CLIP1: variants seen among roughly 807,000 people sequenced by gnomAD.
CLIP1 encodes the protein CAP-Gly domain containing linker protein 1.
In CLIP1, 66 loss-of-function variants were observed where a neutral mutation model predicts 161.6. The ratio of observed to expected loss-of-function variants is 0.41; its 90% CI spans 0.33 to 0.50. The LOEUF (loss-of-function observed/expected upper bound fraction) is 0.50. Ranked by LOEUF, CLIP1 falls within the 20% of genes least tolerant of loss-of-function variation. The pLI, the probability that CLIP1 is intolerant of heterozygous loss-of-function variation, is 0.27. For synonymous variants in CLIP1, 598 were observed against 626.2 expected, an observed-to-expected ratio of 0.96 and a Z score of 0.67; for missense variants, 1,376 against 1,702.0, an observed-to-expected ratio of 0.81 and a Z score of 3.37.
chr12:122,391,012 G>C (rs539634808), intron 1 of CLIP1, among the ~76,000 whole-genome samples: 1 of 152,100 alleles, frequency 6.6e-6, no homozygotes, highest in African/African-American at 2.4e-5. Context: ...CTTCCGGCTC[G>C]GTGTGGTGGC....
At chr12:122,274,546 T>C (rs12815053) in intron 24 of CLIP1, 1 of 131,362 alleles carries the variant, frequency 7.6e-6, no homozygotes, top group African/African-American at 4.7e-5. Context: ...GTTTTGTTTT[T>C]TTTTTTTTTT....
rs766712693 is a variant in CLIP1, at chr12:122,272,889, C to T, written c.4303G>A (p.Asp1435Asn). 2 of 1,614,162 alleles carry T rather than the reference C, an allele frequency of 1.2e-6. No individual in the cohort carries two copies. Among genetic ancestry groups the T allele is most frequent in the East Asian group, 2.2e-5 (1 of 44,890 alleles). Reference sequence around the variant, plus strand: ...TGGAGGCTTCATCAGAAGGTTTCGTCGTCATTGCAGTTGGTGGCCCAGTGT... The same window carrying T: ...TGGAGGCTTCATCAGAAGGTTTCGTTGTCATTGCAGTTGGTGGCCCAGTGT... ...FGHWATNCND[D>N]ETF Residue 1435 changes from aspartate to asparagine, a missense_variant, in exon 26 of 26, where the codon GAC (aspartate) becomes AAC (asparagine). Physicochemically the swap from Asp to Asn is conservative, Grantham distance 23 (BLOSUM62 1). This residue lies in a region of CLIP1 where 948 missense variants were observed against 1,134.8 expected (regional missense o/e 0.84). Coordinates refer to ENST00000620786, the MANE Select transcript of CLIP1 (RefSeq NM_001247997.2).
At chr12:122,398,752 G>A (rs979171156) in intron 1 of CLIP1, among the ~76,000 whole-genome samples, 1 of 151,704 alleles carries the variant, frequency 6.6e-6, no homozygotes, top group African/African-American at 2.4e-5. Context: ...CGCCTGCCTG[G>A]AATCCCAGCT....
chr12:122,291,921 T>C (rs1437667714), intron 20 of CLIP1, among the ~76,000 whole-genome samples: 1 of 152,258 alleles, frequency 6.6e-6, no homozygotes, highest in Non-Finnish European at 1.5e-5. Context: ...ATGATGATTG[T>C]ATGACTCTGT....
chr12:122,396,956 T>TTG (rs1955934569), intron 1 of CLIP1, among the ~76,000 whole-genome samples: 2 of 146,874 alleles, frequency 1.4e-5, no homozygotes, highest in African/African-American at 2.5e-5. Context: ...TTTTTTTTTT[T>TTG]TTTGTAGAGA....
chr12:122,378,519 T>G (rs1954852318), intron 2 of CLIP1, among the ~76,000 whole-genome samples: 1 of 152,160 alleles, frequency 6.6e-6, no homozygotes, highest in African/African-American at 2.4e-5. Context: ...TATTTGCAAT[T>G]AAGATTAGAA....
In CLIP1 at chr12:122,333,001, T is replaced by A. The variant is rs1273002854; in HGVS notation, c.2853A>T (p.Leu951Phe). Residue 951 changes from leucine to phenylalanine, a missense_variant, in exon 15 of 26, where the codon TTA becomes TTT. Physicochemically the swap from Leu to Phe is conservative, Grantham distance 22. Around this residue, in one of 6 missense-constraint regions of CLIP1, gnomAD observed 948 missense variants for 1,134.8 expected, o/e 0.84. Coordinates refer to ENST00000620786, the MANE Select transcript of CLIP1 (RefSeq NM_001247997.2). ...SSQLTKMNDE[L>F]RLKERDVEEL... ...GTCACATATACCTTTCTTTCAGACG[T>A]AATTCATCGTTCATTTTTGTCAGCT... 1 of 1,613,544 alleles carries A rather than the reference T, an allele frequency of 6.2e-7. No homozygotes were observed.
chr12:122,363,605 G>T (rs1384752343), intron 4 of CLIP1, among the ~76,000 whole-genome samples: 5 of 152,014 alleles, frequency 3.3e-5, no homozygotes, highest in Non-Finnish European at 5.9e-5. Flanking sequence ...GACACATTTT[G>T]CAGTTCTTTT....
chr12:122,358,744 TAAA>T (rs71082973), intron 5 of CLIP1, among the ~76,000 whole-genome samples: 325 of 144,146 alleles, frequency 2.3e-3, no homozygotes, highest in Middle Eastern at 3.5e-3. Flanking sequence ...TAGTTGACTT[TAAA>T]AAAAAAAAAA....
At chr12:122,291,472 G>T (rs958706403) in intron 20 of CLIP1, among the ~76,000 whole-genome samples, 1 of 152,216 alleles carries the variant, frequency 6.6e-6, no homozygotes, top group African/African-American at 2.4e-5. Flanking sequence ...TTACAGGTGT[G>T]AGCTATCACG....
At position 122,309,659 on chromosome 12, in the gene CLIP1, C is replaced by T. The variant is rs985009722; in HGVS notation, c.3594+103G>A. ...TAACTTGGAATTCCATTTGGAATGA[C>T]CCCACCACACTGAGCAGACCTCCGA... On this transcript the variant is annotated intron_variant, in intron 20 of 25. Coordinates refer to ENST00000620786, the MANE Select transcript of CLIP1 (RefSeq NM_001247997.2). 3 of 1,370,600 alleles carry T rather than the reference C, an allele frequency of 2.2e-6. No individual in the cohort carries two copies. The African/African-American group carries it at 4.3e-5, about 20-fold the overall frequency. The allele number at this position is 1,370,600 out of a possible 1,614,324, so 84.9% of individuals were successfully genotyped here. A position where few individuals can be genotyped will look rare whatever the true frequency, so the allele number is the denominator to read the frequency against.
At chr12:122,397,927 C>T (rs1955986509) in intron 1 of CLIP1, among the ~76,000 whole-genome samples, 1 of 151,618 alleles carries the variant, frequency 6.6e-6, no homozygotes, top group African/African-American at 2.4e-5. Context: ...TGCACTCCAG[C>T]CTGGGCAACA....
intron 20 of CLIP1, among the ~76,000 whole-genome samples, chr12:122,304,997 T>C (rs895109655): frequency 2.0e-5 from 3 of 152,240 alleles, no homozygotes; most frequent in Non-Finnish European, 2.9e-5. Flanking sequence ...TTTTTTTGTA[T>C]AATACATCTG....
rs767886361 is a variant in CLIP1 at position 122,288,494 on chromosome 12, T to C, written c.3642A>G (p.Lys1214=). ...SVLNNQLLEM[K]KRESKFIKDA... ...ACAATAAACAGAAAGCTTACCTTTT[T>C]TTCATTTCTAACAACTGATTATTGA... is the stretch of plus-strand genomic sequence containing the variant. Residue 1214 remains lysine, a synonymous_variant, in exon 21 of 26, where the codon AAA becomes AAG. Transcript: ENST00000620786. The C allele has an allele frequency of 1.2e-6, 2 of 1,607,706 alleles. No individual in the cohort carries two copies. Among genetic ancestry groups the C allele is most frequent in the Non-Finnish European group, 1.7e-6 (2 of 1,179,562 alleles).
intron 20 of CLIP1, among the ~76,000 whole-genome samples, chr12:122,293,002 C>CAAAAAAAAAAAAAAAAAAAAAAAAAA (rs57326141): frequency 9.2e-5 from 4 of 43,574 alleles, no homozygotes; most frequent in African/African-American, 2.3e-4. Context: ...GACTCTGTCT[C>CAAAAAAAAAAAAAAAAAAAAAAAAAA]AAAAAAAAAA....
chr12:122,282,139 T>C (rs1355751709), intron 21 of CLIP1, among the ~76,000 whole-genome samples: 2 of 152,208 alleles, frequency 1.3e-5, no homozygotes, highest in South Asian at 2.1e-4. Context: ...AGAAAGAAAT[T>C]TGACTTGTGA....
At chr12:122,273,228 T>C in intron 25 of CLIP1, 128 bp from the exon 26 acceptor site, 5 of 675,414 alleles carry the variant, frequency 7.4e-6, no homozygotes, top group South Asian at 3.9e-5. Context: ...CCAGTATAAG[T>C]AGTGCATTAT....
chr12:122,335,878 G>C (rs1157512004), intron 12 of CLIP1, among the ~76,000 whole-genome samples: 1 of 152,106 alleles, frequency 6.6e-6, no homozygotes, highest in Non-Finnish European at 1.5e-5. Context: ...ACAGCGAAGA[G>C]GAAGGGATGT....
At chr12:122,354,410 G>C (rs750515616) in intron 7 of CLIP1, 43 bp downstream of exon 7, 316 of 1,506,970 alleles carry the variant, frequency 2.1e-4, no homozygotes, top group Non-Finnish European at 2.7e-4. Context: ...CAAAAAAAAA[G>C]GGGGAAAGGC....
Sources: allele counts gnomAD v4.1 joint callset (sites outside exome capture counted in the v4.1 genomes callset), GRCh38; gene constraint gnomAD v4.1.1; regional missense constraint gnomAD v4.1.1; transcripts MANE v1.5; gene names NCBI Gene and HGNC (gene_info 2026-07-23, HGNC 2026-07-21).